The following ANKS1B variants were observed in gnomAD, a reference collection of about 807,000 sequenced individuals.
ANKS1B encodes ankyrin repeat and sterile alpha motif domain-containing protein 1B.
In ANKS1B, 36 loss-of-function variants were observed where a neutral mutation model predicts 148.3. That is an observed-to-expected ratio of 0.24 (90% confidence interval 0.19 to 0.32). The LOEUF (loss-of-function observed/expected upper bound fraction) is 0.32, where lower values mean the gene tolerates loss of function less well. Among genes scored for constraint, ANKS1B ranks in the 10% least tolerant of loss-of-function variants. The pLI is 1.00. For missense variants in ANKS1B, 1,157 were observed against 1,542.6 expected (o/e 0.75, Z 4.19); for synonymous variants, 542 against 560.8 (o/e 0.97, Z 0.47).
chr12:99,671,495 C>T (rs1027015077), intron 8 of ANKS1B, among the ~76,000 whole-genome samples: 4 of 152,022 alleles, frequency 2.6e-5, no homozygotes, highest in Non-Finnish European at 5.9e-5. Context: ...AACATATATT[C>T]CCTGTCTTTT....
chr12:99,580,170 G>A (rs114758042), intron 9 of ANKS1B, among the ~76,000 whole-genome samples: 1,954 of 152,108 alleles, frequency 0.013, 42 homozygotes, highest in African/African-American at 0.043. Flanking sequence ...ACACAAAGCA[G>A]GGAACAAACA....
chr12:99,729,007 A>G (rs2058880091), intron 8 of ANKS1B, among the ~76,000 whole-genome samples: 1 of 152,208 alleles, frequency 6.6e-6, no homozygotes, highest in Admixed American at 6.5e-5. Flanking sequence ...CAAAAAATTC[A>G]TGTGAGTTGC....
At chr12:99,533,433 T>C (rs899180875) in intron 9 of ANKS1B, among the ~76,000 whole-genome samples, 2 of 152,166 alleles carry the variant, frequency 1.3e-5, no homozygotes, top group African/African-American at 4.8e-5. Flanking sequence ...TAGGAGTCTT[T>C]TGGAGGAGTC....
At chr12:98,831,535 G>A (rs1333079106) in intron 18 of ANKS1B, 1 of 153,162 alleles carries the variant, frequency 6.5e-6, no homozygotes, top group Non-Finnish European at 1.5e-5. Flanking sequence ...AAAGGTAGTG[G>A]TTTGTCAGGC....
chr12:99,694,965 A>C (rs1348617603), intron 8 of ANKS1B, among the ~76,000 whole-genome samples: 1 of 152,138 alleles, frequency 6.6e-6, no homozygotes, highest in Admixed American at 6.5e-5. Flanking sequence ...CATTAATCTT[A>C]GTTTTGTCCT....
chr12:98,794,491 A>C (rs374049057), intron 22 of ANKS1B: 3 of 503,944 alleles, frequency 6.0e-6, no homozygotes, highest in African/African-American at 5.9e-5. Context: ...CAACATGTGT[A>C]TCAAGAAGTG....
chr12:99,346,025 C>A (rs1448143056), intron 12 of ANKS1B, among the ~76,000 whole-genome samples: 1 of 151,956 alleles, frequency 6.6e-6, no homozygotes, highest in African/African-American at 2.4e-5. Context: ...GAGCACTCTG[C>A]CTTACTTAAT....
chr12:99,410,935 C>G (rs1187357900), intron 11 of ANKS1B, among the ~76,000 whole-genome samples: 27 of 152,216 alleles, frequency 1.8e-4, no homozygotes, highest in Non-Finnish European at 1.5e-5. Flanking sequence ...CAGATTCTTA[C>G]AGGAATGCAG....
chr12:99,255,309 G>A (rs1385722024), intron 12 of ANKS1B, among the ~76,000 whole-genome samples: 1 of 152,002 alleles, frequency 6.6e-6, no homozygotes, highest in East Asian at 1.9e-4. Flanking sequence ...AACTTTGAAT[G>A]GTTTTTTGTA....
chr12:99,604,158 G>A (rs371482542), intron 9 of ANKS1B, among the ~76,000 whole-genome samples: 1 of 152,056 alleles, frequency 6.6e-6, no homozygotes, highest in African/African-American at 2.4e-5. Flanking sequence ...ACCAGCAAAT[G>A]ACAAGGAAAT....
chr12:98,996,812 CAAAAAAAAAAAAAAA>C (rs1160748107), intron 17 of ANKS1B, among the ~76,000 whole-genome samples: 6 of 40,638 alleles, frequency 1.5e-4, no homozygotes, highest in Admixed American at 1.3e-3. Flanking sequence ...GACTCTATCT[CAAAAAAAAAAAAAAA>C]AAAAAAAAAA....
intron 1 of ANKS1B, among the ~76,000 whole-genome samples, chr12:99,935,398 G>A (rs1028214373): frequency 5.3e-5 from 8 of 150,522 alleles, no homozygotes; most frequent in Non-Finnish European, 7.4e-5. Flanking sequence ...CTTAAAGAAC[G>A]CACATTTACC....
At chr12:99,030,956 C>T (rs1036624695) in intron 17 of ANKS1B, among the ~76,000 whole-genome samples, 1 of 152,196 alleles carries the variant, frequency 6.6e-6, no homozygotes, top group South Asian at 2.1e-4. Flanking sequence ...ACCCATCTGT[C>T]TCTGCAAGAA....
intron 1 of ANKS1B, among the ~76,000 whole-genome samples, chr12:99,889,688 A>G (rs2092999614): frequency 6.6e-6 from 1 of 152,216 alleles, no homozygotes. Flanking sequence ...TAACAAAGGG[A>G]AATATAAGTT....
chr12:99,189,540 T>C (rs940340124), intron 14 of ANKS1B, among the ~76,000 whole-genome samples: 3 of 152,168 alleles, frequency 2.0e-5, no homozygotes, highest in Admixed American at 6.5e-5. Context: ...TGGTTCAATA[T>C]ATATACAAAT....
intron 1 of ANKS1B, among the ~76,000 whole-genome samples, chr12:99,838,500 T>C (rs953037647): frequency 1.3e-5 from 2 of 152,176 alleles, no homozygotes; most frequent in Non-Finnish European, 2.9e-5. Flanking sequence ...TTACTGATTT[T>C]CATCATTCTT....
At chr12:99,540,210 T>C (rs1414188829) in intron 9 of ANKS1B, among the ~76,000 whole-genome samples, 1 of 152,064 alleles carries the variant, frequency 6.6e-6, no homozygotes, top group Non-Finnish European at 1.5e-5. Context: ...TAAAAAATAA[T>C]AGTTGGAGAC....
chr12:99,751,111 T>C (rs192536814), intron 8 of ANKS1B, among the ~76,000 whole-genome samples: 1 of 148,748 alleles, frequency 6.7e-6, no homozygotes, highest in Non-Finnish European at 1.5e-5. Context: ...TCAGTAAAAC[T>C]ATTTTTTGAA....
chr12:99,734,278 C>G (rs904609394), intron 8 of ANKS1B, among the ~76,000 whole-genome samples: 1 of 151,988 alleles, frequency 6.6e-6, no homozygotes, highest in Non-Finnish European at 1.5e-5. Context: ...CTTTTTTTCT[C>G]TCTACTAGAA....
Sources: gnomAD v4.1 joint callset for allele counts (sites outside exome capture counted in the v4.1 genomes callset) on GRCh38, gnomAD v4.1.1 for gene constraint, MANE v1.5 for transcripts, NCBI Gene and HGNC (gene_info 2026-07-23, HGNC 2026-07-21) for gene names.